THSD7B: variants seen among roughly 807,000 people sequenced by gnomAD.
THSD7B encodes the protein thrombospondin type 1 domain containing 7B.
THSD7B carries 138 observed loss-of-function variants against 213.6 expected under a neutral mutation model. The ratio of observed to expected loss-of-function variants is 0.65; its 90% CI spans 0.56 to 0.74. The LOEUF (loss-of-function observed/expected upper bound fraction) is 0.74. THSD7B is among the 30% of genes least tolerant of loss of function. THSD7B has a pLI of 0.00. For synonymous variants in THSD7B, 742 were observed against 687.0 expected, an observed-to-expected ratio of 1.08 and a Z score of -1.25; for missense variants, 1,931 against 1,991.5, an observed-to-expected ratio of 0.97 and a Z score of 0.58.
intron 17 of THSD7B, among the ~76,000 whole-genome samples, chr2:137,591,114 G>A (rs151202656): frequency 4.6e-5 from 7 of 151,076 alleles, no homozygotes; most frequent in Admixed American, 4.6e-4. Context: ...TACCCCTTTG[G>A]TAATCTATTT....
At chr2:137,226,168 A>G (rs1436201409) in intron 7 of THSD7B, among the ~76,000 whole-genome samples, 1 of 151,702 alleles carries the variant, frequency 6.6e-6, no homozygotes, top group Non-Finnish European at 1.5e-5. Context: ...CATGTAGAGT[A>G]TTTTCGATAA....
intron 15 of THSD7B, among the ~76,000 whole-genome samples, chr2:137,543,546 A>G (rs1680646269): frequency 6.6e-6 from 1 of 151,892 alleles, no homozygotes; most frequent in Admixed American, 6.6e-5. Context: ...ACATTGATAT[A>G]CATCTTTATG....
intron 17 of THSD7B, among the ~76,000 whole-genome samples, chr2:137,583,861 C>T (rs1480886315): frequency 1.3e-5 from 2 of 152,062 alleles, no homozygotes; most frequent in African/African-American, 4.8e-5. Flanking sequence ...GTAGTTTTTT[C>T]CAATTCTGTG....
chr2:137,048,612 A>G (rs894627451), intron 2 of THSD7B, among the ~76,000 whole-genome samples: 3 of 152,212 alleles, frequency 2.0e-5, no homozygotes, highest in African/African-American at 7.2e-5. Context: ...AAATGTTTGC[A>G]TGCTCTCTGC....
chr2:137,077,038 A>G (rs1372402127), intron 3 of THSD7B, among the ~76,000 whole-genome samples: 2 of 129,480 alleles, frequency 1.5e-5, no homozygotes, highest in Admixed American at 1.0e-4. Context: ...ATGTGTTGTC[A>G]TTGTTCAACT....
At chr2:137,389,402 A>ACTTTTT (rs1685967896) in intron 12 of THSD7B, among the ~76,000 whole-genome samples, 7 of 38,052 alleles carry the variant, frequency 1.8e-4, no homozygotes, top group Non-Finnish European at 2.2e-4. Context: ...TCTTAATGTG[A>ACTTTTT]TTTTTTTTTT....
At chr2:136,871,882 C>A (rs1370609157) in intron 1 of THSD7B, among the ~76,000 whole-genome samples, 1 of 152,086 alleles carries the variant, frequency 6.6e-6, no homozygotes, top group Non-Finnish European at 1.5e-5. Context: ...AATGAAGCAC[C>A]CCTTTCTTCA....
chr2:137,369,513 T>A (rs1374063292), intron 12 of THSD7B, among the ~76,000 whole-genome samples: 1 of 152,130 alleles, frequency 6.6e-6, no homozygotes. Flanking sequence ...AAGAAGAACA[T>A]GGAAATTAAA....
At chr2:137,265,460 C>G (rs1381804630) in intron 10 of THSD7B, among the ~76,000 whole-genome samples, 1 of 152,182 alleles carries the variant, frequency 6.6e-6, no homozygotes, top group African/African-American at 2.4e-5. Context: ...CATCCCATTA[C>G]TGGGTATGTA....
At chr2:137,510,959 C>T (rs545756046) in intron 15 of THSD7B, among the ~76,000 whole-genome samples, 1 of 152,156 alleles carries the variant, frequency 6.6e-6, no homozygotes, top group Admixed American at 6.5e-5. Context: ...ACCTATACCT[C>T]AGTATTTGTC....
intron 14 of THSD7B, among the ~76,000 whole-genome samples, chr2:137,449,033 G>A (rs1288273794): frequency 2.0e-5 from 3 of 152,138 alleles, no homozygotes; most frequent in Admixed American, 6.5e-5. Flanking sequence ...GCAATGGGGA[G>A]TTAGCAGAGG....
intron 2 of THSD7B, among the ~76,000 whole-genome samples, chr2:136,985,383 C>T (rs1303560918): frequency 6.6e-6 from 1 of 152,188 alleles, no homozygotes; most frequent in African/African-American, 2.4e-5. Flanking sequence ...TGGGATACTG[C>T]TCCCTTTATC....
At chr2:137,120,561 A>G (rs1459889983) in intron 5 of THSD7B, among the ~76,000 whole-genome samples, 1 of 152,028 alleles carries the variant, frequency 6.6e-6, no homozygotes, top group Non-Finnish European at 1.5e-5. Context: ...GAAGAAACTT[A>G]TTAAGTCAAA....
At chr2:137,110,429 G>A (rs1401658084) in intron 4 of THSD7B, among the ~76,000 whole-genome samples, 3 of 152,132 alleles carry the variant, frequency 2.0e-5, no homozygotes, top group Non-Finnish European at 4.4e-5. Context: ...TAACTGAAAT[G>A]TTCTTGTAGG....
intron 14 of THSD7B, among the ~76,000 whole-genome samples, chr2:137,420,010 A>G (rs1024218753): frequency 6.6e-6 from 1 of 152,114 alleles, no homozygotes; most frequent in South Asian, 2.1e-4. Context: ...TAGTTTTTTA[A>G]GGAAACTCCA....
At chr2:137,109,813 A>T (rs1688316695) in intron 4 of THSD7B, among the ~76,000 whole-genome samples, 1 of 152,110 alleles carries the variant, frequency 6.6e-6, no homozygotes, top group Admixed American at 6.6e-5. Flanking sequence ...GCCGCTGACC[A>T]GTACTGGTCT....
At chr2:137,557,096 G>T (rs1375791380) in intron 15 of THSD7B, among the ~76,000 whole-genome samples, 3 of 152,136 alleles carry the variant, frequency 2.0e-5, no homozygotes, top group Admixed American at 6.5e-5. Context: ...AATAATGGGA[G>T]ACTTTAACAC....
intron 2 of THSD7B, among the ~76,000 whole-genome samples, chr2:136,883,174 A>G (rs1683653615): frequency 6.6e-6 from 1 of 152,150 alleles, no homozygotes. Flanking sequence ...GTGATGTTAT[A>G]GAAGATCTAT....
intron 15 of THSD7B, among the ~76,000 whole-genome samples, chr2:137,489,742 C>A (rs906484826): frequency 6.6e-6 from 1 of 152,182 alleles, no homozygotes. Context: ...CACACAAATA[C>A]ACATTCTAAA....
Sources: allele counts gnomAD v4.1 joint callset (sites outside exome capture counted in the v4.1 genomes callset), GRCh38; gene constraint gnomAD v4.1.1; transcripts MANE v1.5; gene names NCBI Gene and HGNC (gene_info 2026-07-23, HGNC 2026-07-21).